CNTNAP2: variants seen among roughly 807,000 people sequenced by gnomAD.
CNTNAP2 encodes the protein contactin associated protein 2.
Under a neutral mutation model 155.2 loss-of-function variants are expected in CNTNAP2, and 98 were observed. That is an observed-to-expected ratio of 0.63 (90% CI 0.54 to 0.75). The LOEUF is 0.75. Ranked by LOEUF, CNTNAP2 falls within the 30% of genes least tolerant of loss-of-function variation. The probability of loss-of-function intolerance (pLI) is 0.00; values close to 1 mark genes in which losing one functional copy is unlikely to be tolerated. For synonymous variants in CNTNAP2, 651 were observed against 631.2 expected, an observed-to-expected ratio of 1.03 and a Z score of -0.47; for missense variants, 1,727 against 1,688.1, an observed-to-expected ratio of 1.02 and a Z score of -0.40.
intron 1 of CNTNAP2, among the ~76,000 whole-genome samples, chr7:146,337,330 G>A (rs542074435): frequency 4.6e-4 from 70 of 151,466 alleles, no homozygotes; most frequent in African/African-American, 1.6e-3. Context: ...TACGTAAAGA[G>A]TGTTTTTAAA....
chr7:148,197,802 A>G (rs1795300911), intron 18 of CNTNAP2, among the ~76,000 whole-genome samples: 1 of 152,194 alleles, frequency 6.6e-6, no homozygotes, highest in Non-Finnish European at 1.5e-5. Flanking sequence ...TTTAATGGAA[A>G]GAGGAGGAGC....
At chr7:146,695,823 C>T (rs1239267298) in intron 1 of CNTNAP2, among the ~76,000 whole-genome samples, 3 of 152,108 alleles carry the variant, frequency 2.0e-5, no homozygotes, top group Admixed American at 6.6e-5. Context: ...AGCTAATTAA[C>T]ATATATATTA....
intron 14 of CNTNAP2, among the ~76,000 whole-genome samples, chr7:147,937,226 C>T (rs943910159): frequency 6.6e-6 from 1 of 152,176 alleles, no homozygotes; most frequent in Non-Finnish European, 1.5e-5. Context: ...ATCTTGTGAT[C>T]AGCTACTTTT....
chr7:147,205,719 A>G (rs1026498063), intron 8 of CNTNAP2, among the ~76,000 whole-genome samples: 13 of 152,030 alleles, frequency 8.6e-5, no homozygotes, highest in African/African-American at 3.1e-4. Context: ...GGTGATAGTA[A>G]GATGATACTT....
intron 21 of CNTNAP2, among the ~76,000 whole-genome samples, chr7:148,307,440 G>A (rs1797509049): frequency 6.6e-6 from 1 of 152,198 alleles, no homozygotes; most frequent in African/African-American, 2.4e-5. Flanking sequence ...CTCCACCTCA[G>A]TGCAAGCATC....
chr7:147,514,245 A>T (rs937986747), intron 11 of CNTNAP2, among the ~76,000 whole-genome samples: 2 of 152,164 alleles, frequency 1.3e-5, no homozygotes, highest in Admixed American at 1.3e-4. Context: ...ATTAGATCAC[A>T]GTTTTTTGGA....
chr7:146,813,821 G>T (rs575204177), intron 2 of CNTNAP2, among the ~76,000 whole-genome samples: 1 of 152,052 alleles, frequency 6.6e-6, no homozygotes, highest in African/African-American at 2.4e-5. Flanking sequence ...GGAGAGACCC[G>T]GTGGGAAGTA....
At chr7:147,228,028 G>A (rs1413325622) in intron 8 of CNTNAP2, among the ~76,000 whole-genome samples, 1 of 152,122 alleles carries the variant, frequency 6.6e-6, no homozygotes, top group Admixed American at 6.5e-5. Context: ...CTAAGGATTG[G>A]TGTAAAGGCC....
intron 15 of CNTNAP2, among the ~76,000 whole-genome samples, chr7:147,991,210 C>G (rs983233597): frequency 1.3e-5 from 2 of 152,198 alleles, no homozygotes. Context: ...TTGTCCCTAA[C>G]AGTAGACGGG....
chr7:146,460,184 T>A (rs1796615893), intron 1 of CNTNAP2, among the ~76,000 whole-genome samples: 1 of 152,202 alleles, frequency 6.6e-6, no homozygotes, highest in South Asian at 2.1e-4. Context: ...TTTGAAATTG[T>A]CAGGAGAATG....
intron 13 of CNTNAP2, among the ~76,000 whole-genome samples, chr7:147,640,949 C>A (rs564451379): frequency 1.3e-5 from 2 of 152,170 alleles, no homozygotes; most frequent in African/African-American, 2.4e-5. Context: ...CCCACCCTAG[C>A]CTTTTAATAT....
intron 15 of CNTNAP2, among the ~76,000 whole-genome samples, chr7:147,979,378 A>G (rs1322934844): frequency 6.6e-6 from 1 of 152,242 alleles, no homozygotes; most frequent in Non-Finnish European, 1.5e-5. Flanking sequence ...AACAAATATT[A>G]TAAGAAATGA....
At chr7:148,073,721 G>C (rs1039243341) in intron 15 of CNTNAP2, among the ~76,000 whole-genome samples, 1 of 151,824 alleles carries the variant, frequency 6.6e-6, no homozygotes, top group African/African-American at 2.4e-5. Flanking sequence ...ATATGGTACA[G>C]CTGACCCTTG....
chr7:147,871,805 A>AT (rs1799332416), intron 13 of CNTNAP2, among the ~76,000 whole-genome samples: 1 of 151,572 alleles, frequency 6.6e-6, no homozygotes, highest in African/African-American at 2.4e-5. Context: ...TCGGGAATTT[A>AT]TTTTGCACAA....
intron 14 of CNTNAP2, among the ~76,000 whole-genome samples, chr7:147,920,217 G>T (rs1050698984): frequency 6.6e-6 from 1 of 151,880 alleles, no homozygotes; most frequent in Non-Finnish European, 1.5e-5. Context: ...TTAGCTGGGC[G>T]TGGTGGCACA....
chr7:146,998,220 T>C (rs1408464328), intron 3 of CNTNAP2, among the ~76,000 whole-genome samples: 1 of 152,098 alleles, frequency 6.6e-6, no homozygotes, highest in Non-Finnish European at 1.5e-5. Context: ...CCGCAGAATA[T>C]GTTGTGTTCC....
chr7:146,219,249 T>A (rs1799167428), intron 1 of CNTNAP2, among the ~76,000 whole-genome samples: 1 of 152,182 alleles, frequency 6.6e-6, no homozygotes, highest in South Asian at 2.1e-4. Context: ...CAATTTGAGA[T>A]GAGATTTGAG....
chr7:146,450,696 A>G (rs1639471), intron 1 of CNTNAP2, among the ~76,000 whole-genome samples: 64,253 of 151,986 alleles, frequency 0.42, 16,133 homozygotes, highest in African/African-American at 0.7. Context: ...CTCTTGATGA[A>G]AGGAAAGACC....
At chr7:148,182,723 G>A (rs554039591) in intron 18 of CNTNAP2, among the ~76,000 whole-genome samples, 3 of 152,264 alleles carry the variant, frequency 2.0e-5, no homozygotes, top group Admixed American at 1.3e-4. Flanking sequence ...ACCAAATCCT[G>A]AGAAAACAAA....
Sources: gnomAD v4.1 joint callset for allele counts (sites outside exome capture counted in the v4.1 genomes callset) on GRCh38, gnomAD v4.1.1 for gene constraint, MANE v1.5 for transcripts, NCBI Gene and HGNC (gene_info 2026-07-23, HGNC 2026-07-21) for gene names.